PCCA: variants seen among roughly 807,000 people sequenced by gnomAD.
PCCA encodes propionyl-CoA carboxylase alpha chain, mitochondrial.
Under a neutral mutation model 101.3 loss-of-function variants are expected in PCCA, and 74 were observed. The observed-to-expected ratio is 0.73, with a 90% CI of 0.61 to 0.89. The LOEUF (loss-of-function observed/expected upper bound fraction) is 0.89. Among genes scored for constraint, PCCA ranks in the 40% least tolerant of loss-of-function variants. The probability of loss-of-function intolerance (pLI) is 0.00; values close to 1 mark genes in which losing one functional copy is unlikely to be tolerated. For missense variants in PCCA, 891 were observed against 907.0 expected (o/e 0.98, Z 0.23); for synonymous variants, 294 against 313.6 (o/e 0.94, Z 0.66).
intron 19 of PCCA, among the ~76,000 whole-genome samples, chr13:100,425,072 G>T (rs184521304): frequency 9.1e-4 from 138 of 151,992 alleles, no homozygotes; most frequent in Non-Finnish European, 1.6e-3. Flanking sequence ...GCATATTCAT[G>T]AAGGATGACT....
intron 12 of PCCA, among the ~76,000 whole-genome samples, chr13:100,285,157 G>T (rs1462154034): frequency 6.6e-6 from 1 of 152,164 alleles, no homozygotes; most frequent in Non-Finnish European, 1.5e-5. Flanking sequence ...ACAGTTGTGG[G>T]GGTTCCTTGG....
intron 19 of PCCA, among the ~76,000 whole-genome samples, chr13:100,392,706 C>A (rs1007042846): frequency 2.0e-5 from 3 of 152,110 alleles, no homozygotes; most frequent in Non-Finnish European, 4.4e-5. Context: ...GAGGAGGTAG[C>A]AGAGAGGTGG....
rs181695476 is a variant in PCCA at position 100,388,450 on chromosome 13, T to C, written c.1746+19876T>C. Among the ~76,000 whole-genome samples, 317 of 152,182 alleles carry C rather than the reference T, an allele frequency of 2.1e-3. 1 individual carries two copies. Among genetic ancestry groups the C allele is most frequent in the Non-Finnish European group, 2.8e-3 (189 of 68,006 alleles). On this transcript the variant is annotated intron_variant, in intron 19 of 23. Transcript: ENST00000376285. ...CTGCACTTTAGCCTGGGCAACAGAGTGAGACCCCATCTCAAAACAAACAAA... is the reference window on the plus strand; with the variant it reads ...CTGCACTTTAGCCTGGGCAACAGAGCGAGACCCCATCTCAAAACAAACAAA...
intron 16 of PCCA, among the ~76,000 whole-genome samples, chr13:100,316,899 G>T (rs930779550): frequency 1.3e-5 from 2 of 151,678 alleles, no homozygotes; most frequent in Non-Finnish European, 2.9e-5. Flanking sequence ...TCAGCCTCCT[G>T]AGTAGCTGGG....
chr13:100,483,412 C>T (rs1407438117), intron 21 of PCCA, among the ~76,000 whole-genome samples: 2 of 152,232 alleles, frequency 1.3e-5, no homozygotes, highest in African/African-American at 2.4e-5. Flanking sequence ...GCCGGAGACA[C>T]CTTTTGGCCA....
At chr13:100,360,656 C>T (rs781450008) in intron 18 of PCCA, among the ~76,000 whole-genome samples, 6 of 152,044 alleles carry the variant, frequency 3.9e-5, no homozygotes, top group Non-Finnish European at 7.4e-5. Flanking sequence ...TCCAGAACAC[C>T]GAACACCACG....
chr13:100,510,770 A>G (rs1230921341), intron 21 of PCCA, among the ~76,000 whole-genome samples: 1 of 152,260 alleles, frequency 6.6e-6, no homozygotes, highest in African/African-American at 2.4e-5. Context: ...GTTGGATTAA[A>G]TGATGCATCC....
In PCCA at chr13:100,223,630, G is replaced by C. The variant is rs887704246; in HGVS notation, c.601-12212G>C. Among the ~76,000 whole-genome samples the C allele has an allele frequency of 1.3e-5, 2 of 152,086 alleles. 1 individual carries two copies. The highest frequency in any genetic ancestry group is 4.1e-4 in the South Asian group (2 of 4,822). On this transcript the variant is annotated intron_variant, in intron 7 of 23. Transcript: ENST00000376285. ...GCTTCCACAGTGTGGAAGGGGACCC[G>C]AGCGTGTTGCCACTGCTGGCTCGGG... is the stretch of plus-strand genomic sequence containing the variant.
chr13:100,096,874 AGGTTG>A (rs756419062), intron 1 of PCCA, among the ~76,000 whole-genome samples: 37 of 152,136 alleles, frequency 2.4e-4, no homozygotes, highest in Non-Finnish European at 4.9e-4. Context: ...TTGGAAGCAG[AGGTTG>A]GTTCATGGGG....
At chr13:100,275,971 C>G (rs2063626029) in intron 12 of PCCA, among the ~76,000 whole-genome samples, 1 of 152,096 alleles carries the variant, frequency 6.6e-6, no homozygotes, top group South Asian at 2.1e-4. Flanking sequence ...ATTTACCTTT[C>G]TTTGTCTTTG....
intron 6 of PCCA, among the ~76,000 whole-genome samples, chr13:100,162,594 T>C (rs1358774394): frequency 6.6e-6 from 1 of 152,224 alleles, no homozygotes; most frequent in Non-Finnish European, 1.5e-5. Flanking sequence ...TGTATCATCA[T>C]AGAGATCTAA....
At chr13:100,425,876 T>A in intron 20 of PCCA, 145 bp downstream of exon 20, 1 of 666,736 alleles carries the variant, frequency 1.5e-6, no homozygotes, top group Non-Finnish European at 2.7e-6. Flanking sequence ...CTTTTTCTTT[T>A]CTTATTTTAG....
chr13:100,242,804 A>G (rs147109449), intron 8 of PCCA, among the ~76,000 whole-genome samples: 45 of 152,316 alleles, frequency 3.0e-4, no homozygotes, highest in Middle Eastern at 3.4e-3. Context: ...TTAAAATAGT[A>G]TAGGATTCTC....
intron 8 of PCCA, among the ~76,000 whole-genome samples, chr13:100,257,101 C>T (rs1012201259): frequency 1.3e-5 from 2 of 152,142 alleles, no homozygotes; most frequent in African/African-American, 4.8e-5. Flanking sequence ...TTCCCCAATA[C>T]CATCATGTCA....
intron 12 of PCCA, among the ~76,000 whole-genome samples, chr13:100,292,089 T>C (rs2065167977): frequency 6.6e-6 from 1 of 152,202 alleles, no homozygotes; most frequent in Non-Finnish European, 1.5e-5. Flanking sequence ...TCCAGGCTGT[T>C]TTTGACAGCT....
At chr13:100,336,782 G>A (rs1394051248) in intron 17 of PCCA, among the ~76,000 whole-genome samples, 1 of 152,156 alleles carries the variant, frequency 6.6e-6, no homozygotes, top group East Asian at 1.9e-4. Flanking sequence ...GCCCAGCCTC[G>A]TTGACTTCGC....
At chr13:100,351,140 AAATC>A (rs1382717007) in intron 18 of PCCA, among the ~76,000 whole-genome samples, 2 of 152,214 alleles carry the variant, frequency 1.3e-5, no homozygotes, top group Non-Finnish European at 2.9e-5. Flanking sequence ...AATTGAAACT[AAATC>A]AACACCATCA....
chr13:100,508,938 G>A (rs938759286), intron 21 of PCCA, among the ~76,000 whole-genome samples: 1 of 151,964 alleles, frequency 6.6e-6, no homozygotes, highest in African/African-American at 2.4e-5. Flanking sequence ...GTAAACGCTT[G>A]CAGTTGCGAT....
rs1209463763 is a variant in PCCA, at chr13:100,198,707, C to T, written c.469-10625C>T. On this transcript the variant is annotated intron_variant, in intron 6 of 23. Transcript: ENST00000376285. ...AGAGACGGGGTTTCACCATGTTGAC[C>T]AGGCTGGTCTCAAACTCCTGACCTC... Among the ~76,000 whole-genome samples, 5 of 152,078 alleles carry T rather than the reference C, an allele frequency of 3.3e-5. No individual in the cohort carries two copies. The East Asian group carries it at 9.7e-4, about 29-fold the overall frequency.
Sources: allele counts gnomAD v4.1 joint callset (sites outside exome capture counted in the v4.1 genomes callset), GRCh38; gene constraint gnomAD v4.1.1; transcripts MANE v1.5; gene names NCBI Gene and HGNC (gene_info 2026-07-23, HGNC 2026-07-21).